Variants in SYT14 observed in about 807,000 individuals in gnomAD.
SYT14 encodes the protein synaptotagmin 14.
SYT14 carries 32 observed loss-of-function variants against 74.2 expected under a neutral mutation model. That is an observed-to-expected ratio of 0.43 (90% CI 0.33 to 0.58). SYT14 has a LOEUF of 0.58. Ranked by LOEUF, SYT14 falls within the 20% of genes least tolerant of loss-of-function variation. The pLI is 0.05. For synonymous variants in SYT14, 298 were observed against 337.7 expected (o/e 0.88, Z 1.29); for missense variants, 791 against 981.8 (o/e 0.81, Z 2.60).
chr1:209,990,612 T>C (rs1399310966), intron 2 of SYT14, among the ~76,000 whole-genome samples: 1 of 147,592 alleles, frequency 6.8e-6, no homozygotes, highest in Non-Finnish European at 1.5e-5. Flanking sequence ...GTGTGTTGCT[T>C]TTTCTTATCA....
intron 6 of SYT14, among the ~76,000 whole-genome samples, chr1:210,097,192 C>T (rs1232496718): frequency 1.3e-5 from 2 of 152,082 alleles, no homozygotes; most frequent in African/African-American, 4.8e-5. Flanking sequence ...TATTTTGCAT[C>T]CTTGTAATAG....
intron 7 of SYT14, among the ~76,000 whole-genome samples, chr1:210,119,339 T>C (rs1221773518): frequency 1.3e-5 from 2 of 152,198 alleles, no homozygotes; most frequent in African/African-American, 4.8e-5. Context: ...TCCAGAAAAC[T>C]TGAGATTTAA....
intron 5 of SYT14, among the ~76,000 whole-genome samples, chr1:210,072,153 T>C (rs2102448927): frequency 7.2e-6 from 1 of 138,396 alleles, no homozygotes; most frequent in Non-Finnish European, 1.6e-5. Flanking sequence ...ATATATATAC[T>C]ATTTTTTAAA....
chr1:210,079,681 AT>A (rs2081583466), intron 5 of SYT14, among the ~76,000 whole-genome samples: 1 of 152,216 alleles, frequency 6.6e-6, no homozygotes, highest in African/African-American at 2.4e-5. Context: ...GGAAAAAAAA[AT>A]GTAAGAAAAA....
At chr1:210,045,965 A>T (rs1252175439) in intron 5 of SYT14, among the ~76,000 whole-genome samples, 2 of 152,228 alleles carry the variant, frequency 1.3e-5, no homozygotes, top group African/African-American at 4.8e-5. Context: ...ATTTGATATT[A>T]TAAATCACAT....
At chr1:210,072,674 C>A (rs1382216061) in intron 5 of SYT14, among the ~76,000 whole-genome samples, 1 of 151,964 alleles carries the variant, frequency 6.6e-6, no homozygotes, top group Non-Finnish European at 1.5e-5. Context: ...AGTCCTACAA[C>A]ATAGTTTATT....
exon 7 of SYT14, chr1:210,100,216 A>G (rs1461657527): frequency 3.7e-6 from 6 of 1,614,086 alleles, no homozygotes; most frequent in Admixed American, 3.3e-5. Context: ...TCTTCTACCT[A>G]TAAAGAAACA....
chr1:209,953,147 A>C (rs775748040), intron 2 of SYT14: 4 of 1,291,534 alleles, frequency 3.1e-6, no homozygotes, highest in Non-Finnish European at 4.0e-6. Flanking sequence ...TTGAAATTCA[A>C]ATCGGGAACA....
intron 9 of SYT14, 122 bp downstream of exon 8, chr1:210,159,599 T>G: frequency 1.2e-6 from 1 of 813,426 alleles, no homozygotes; most frequent in Non-Finnish European, 2.1e-6. Context: ...ATTTATTATC[T>G]GTGGTACTTT....
intron 2 of SYT14, among the ~76,000 whole-genome samples, chr1:210,005,423 T>G (rs895250323): frequency 1.3e-5 from 2 of 151,916 alleles, no homozygotes; most frequent in Non-Finnish European, 2.9e-5. Context: ...CTGCAATTGG[T>G]GTTGAATTCA....
exon 10 of SYT14, chr1:210,168,877 T>C (rs1244781450): frequency 6.6e-6 from 1 of 152,062 alleles, no homozygotes; most frequent in African/African-American, 2.4e-5. Flanking sequence ...TAAGCACCAA[T>C]AGGAGAAAAG....
At chr1:210,046,175 A>T (rs2080880860) in intron 5 of SYT14, among the ~76,000 whole-genome samples, 1 of 152,188 alleles carries the variant, frequency 6.6e-6, no homozygotes. Context: ...GTTCAAGACC[A>T]GTCTGGCCAA....
At chr1:210,010,469 C>A (rs2080066952) in intron 2 of SYT14, among the ~76,000 whole-genome samples, 1 of 152,108 alleles carries the variant, frequency 6.6e-6, no homozygotes, top group Non-Finnish European at 1.5e-5. Flanking sequence ...TTTAACCATG[C>A]TATTTCAAAT....
intron 5 of SYT14, among the ~76,000 whole-genome samples, chr1:210,031,638 G>T (rs2080537576): frequency 6.6e-6 from 1 of 152,110 alleles, no homozygotes; most frequent in Non-Finnish European, 1.5e-5. Flanking sequence ...TTGGAATATT[G>T]TGTGTTTTAA....
At chr1:210,087,351 C>T (rs1001939370) in intron 5 of SYT14, among the ~76,000 whole-genome samples, 1 of 152,188 alleles carries the variant, frequency 6.6e-6, no homozygotes, top group Non-Finnish European at 1.5e-5. Context: ...CTGTGTGTGG[C>T]ACCCTCCTCA....
chr1:210,027,233 G>A (rs12082067), intron 5 of SYT14, among the ~76,000 whole-genome samples: 24,776 of 151,872 alleles, frequency 0.16, 6,432 homozygotes, highest in African/African-American at 0.55. Flanking sequence ...AGTGGCTCAT[G>A]CCTATAATGT....
intron 5 of SYT14, among the ~76,000 whole-genome samples, chr1:210,028,367 A>G (rs942133818): frequency 1.4e-5 from 2 of 143,612 alleles, no homozygotes; most frequent in Admixed American, 7.0e-5. Context: ...CATCACCACT[A>G]TCCATCTCTA....
intron 7 of SYT14, among the ~76,000 whole-genome samples, chr1:210,125,455 A>G (rs2082550884): frequency 6.6e-6 from 1 of 152,152 alleles, no homozygotes; most frequent in African/African-American, 2.4e-5. Flanking sequence ...CATGTGCACT[A>G]AGAGGTAATT....
At chr1:209,958,483 C>T (rs545053419) in intron 2 of SYT14, among the ~76,000 whole-genome samples, 55 of 151,830 alleles carry the variant, frequency 3.6e-4, no homozygotes, top group East Asian at 9.7e-4. Context: ...TATGTGGAGA[C>T]GATATCTTTA....
Sources: gnomAD v4.1 joint callset for allele counts (sites outside exome capture counted in the v4.1 genomes callset) on GRCh38, gnomAD v4.1.1 for gene constraint, MANE v1.5 for transcripts, NCBI Gene and HGNC (gene_info 2026-07-23, HGNC 2026-07-21) for gene names.